PKIA: variants seen among roughly 807,000 people sequenced by gnomAD.
The protein encoded by PKIA is PKI-alpha.
PKIA carries 4 observed loss-of-function variants against 7.6 expected under a neutral mutation model. The ratio of observed to expected loss-of-function variants is 0.52; its 90% CI spans 0.26 to 1.20. PKIA has a LOEUF of 1.20. Ranked by LOEUF, PKIA falls within the 50% of genes most tolerant of loss-of-function variation. The pLI is 0.13. For missense variants in PKIA, 73 were observed against 86.2 expected (o/e 0.85, Z 0.61); for synonymous variants, 21 against 30.7 (o/e 0.68, Z 1.04).
chr8:78,544,085 T>C (rs765568916), intron 1 of PKIA, among the ~76,000 whole-genome samples: 14 of 152,184 alleles, frequency 9.2e-5, no homozygotes, highest in Non-Finnish European at 1.8e-4. Context: ...AATATACTTA[T>C]ATAGCTAATA....
chr8:78,583,550 T>A (rs1310969963), intron 2 of PKIA, among the ~76,000 whole-genome samples: 5 of 152,174 alleles, frequency 3.3e-5, no homozygotes, highest in Non-Finnish European at 7.4e-5. Context: ...CGAAATGCTG[T>A]TTCTGTGTTA....
chr8:78,532,840 G>A (rs1487142298), intron 1 of PKIA, among the ~76,000 whole-genome samples: 2 of 151,770 alleles, frequency 1.3e-5, no homozygotes, highest in South Asian at 2.1e-4. Flanking sequence ...ACTTGAACCC[G>A]ACAGGTAGAG....
At chr8:78,589,513 A>G (rs1808041853) in intron 2 of PKIA, among the ~76,000 whole-genome samples, 1 of 152,150 alleles carries the variant, frequency 6.6e-6, no homozygotes, top group Non-Finnish European at 1.5e-5. Context: ...ATCTAAAGAA[A>G]GTTCGAGAGG....
intron 2 of PKIA, among the ~76,000 whole-genome samples, chr8:78,590,722 G>A (rs575776984): frequency 1.2e-4 from 18 of 151,706 alleles, no homozygotes; most frequent in African/African-American, 3.1e-4. Context: ...TTTATTCATA[G>A]TATTTGAGGT....
chr8:78,524,000 TTATA>T (rs371965418), intron 1 of PKIA, among the ~76,000 whole-genome samples: 2 of 92,166 alleles, frequency 2.2e-5, no homozygotes, highest in Non-Finnish European at 2.1e-5. Flanking sequence ...ATATAAACAT[TTATA>T]TATAAATATA....
chr8:78,527,280 T>C lies in PKIA; in HGVS notation c.-157+10812T>C, dbSNP rs867905129. 3.3e-5 allele frequency among the ~76,000 whole-genome samples: 5 copies of C among 152,180 alleles called. 1 individual carries two copies. The highest frequency in any genetic ancestry group is 3.4e-3 in the Middle Eastern group (1 of 294). ...GGGCATAGTCTGAATTAAGATGAGA[T>C]GTTGGAAACAATGAAAATACCTGCT... On this transcript the variant is annotated intron_variant, in intron 1 of 3. Transcript: ENST00000396418.
At chr8:78,554,063 A>G (rs1563577213) in intron 1 of PKIA, among the ~76,000 whole-genome samples, 1 of 152,098 alleles carries the variant, frequency 6.6e-6, no homozygotes, top group East Asian at 1.9e-4. Context: ...ACACCCAGCA[A>G]TATGTAGAGT....
chr8:78,534,298 G>A (rs1181018379), intron 1 of PKIA: 2 of 152,028 alleles, frequency 1.3e-5, no homozygotes, highest in Non-Finnish European at 2.9e-5. Context: ...TCTATCAGAA[G>A]GTAGGTCAGA....
At chr8:78,557,032 T>C (rs1277459313) in intron 1 of PKIA, among the ~76,000 whole-genome samples, 1 of 152,162 alleles carries the variant, frequency 6.6e-6, no homozygotes, top group African/African-American at 2.4e-5. Context: ...TAATTTTGTA[T>C]GTGCATATGT....
chr8:78,589,027 G>A (rs372014282), intron 2 of PKIA, among the ~76,000 whole-genome samples: 1 of 152,132 alleles, frequency 6.6e-6, no homozygotes, highest in Admixed American at 6.6e-5. Flanking sequence ...AAGTAAAATT[G>A]TAACTCCAGA....
intron 1 of PKIA, among the ~76,000 whole-genome samples, chr8:78,517,623 C>T (rs1182854571): frequency 6.6e-6 from 1 of 152,146 alleles, no homozygotes; most frequent in East Asian, 1.9e-4. Context: ...CCAATCTAAG[C>T]CTCTGGTTGA....
chr8:78,585,413 TATAAC>T (rs1807925952), intron 2 of PKIA, among the ~76,000 whole-genome samples: 1 of 152,112 alleles, frequency 6.6e-6, no homozygotes, highest in Non-Finnish European at 1.5e-5. Flanking sequence ...TGAAATAACT[TATAAC>T]AGTGTCAGAG....
At chr8:78,554,870 G>C (rs1300854247) in intron 1 of PKIA, among the ~76,000 whole-genome samples, 1 of 152,028 alleles carries the variant, frequency 6.6e-6, no homozygotes, top group African/African-American at 2.4e-5. Flanking sequence ...ACAGTATTTT[G>C]TGGTTTAAAG....
chr8:78,527,385 T>C (rs1436841118), intron 1 of PKIA, among the ~76,000 whole-genome samples: 1 of 152,004 alleles, frequency 6.6e-6, no homozygotes, highest in East Asian at 1.9e-4. Flanking sequence ...TATGTATATG[T>C]GTATCTATGT....
At chr8:78,533,119 T>C (rs1806436163) in intron 1 of PKIA, among the ~76,000 whole-genome samples, 1 of 152,080 alleles carries the variant, frequency 6.6e-6, no homozygotes, top group African/African-American at 2.4e-5. Context: ...CTGTTGGTCC[T>C]TGCAGATGAG....
intron 2 of PKIA, among the ~76,000 whole-genome samples, chr8:78,594,082 A>G (rs1808169960): frequency 6.6e-6 from 1 of 152,232 alleles, no homozygotes; most frequent in Non-Finnish European, 1.5e-5. Flanking sequence ...TAATCTATTG[A>G]GAAGGAGAAG....
intron 1 of PKIA, among the ~76,000 whole-genome samples, chr8:78,521,579 T>C (rs1809417817): frequency 6.6e-6 from 1 of 151,920 alleles, no homozygotes; most frequent in Non-Finnish European, 1.5e-5. Context: ...CTTCTTTACA[T>C]TTCCCAAATA....
chr8:78,516,642 G>A (rs1046727278), intron 1 of PKIA, among the ~76,000 whole-genome samples, 174 bp downstream of exon 1: 4 of 152,240 alleles, frequency 2.6e-5, no homozygotes, highest in African/African-American at 9.6e-5. Flanking sequence ...AGAGGTTGGA[G>A]GAGCAGTGTT....
In PKIA at chr8:78,533,207, T is replaced by C. The variant is rs79925378; in HGVS notation, c.-157+16739T>C. 8.0e-3 allele frequency among the ~76,000 whole-genome samples: 1,222 copies of C among 152,252 alleles called. 12 individuals are homozygous for C. Among genetic ancestry groups the C allele is most frequent in the African/African-American group, 0.027 (1,135 of 41,560 alleles). On this transcript the variant is annotated intron_variant, in intron 1 of 3. Coordinates refer to ENST00000396418, the MANE Select transcript of PKIA (RefSeq NM_006823.4). ...TCCTTTACACATGTCTCAGTAAATA[T>C]TAACATGCTCTAAATATGCCCTTGC...
Sources: allele counts gnomAD v4.1 joint callset (sites outside exome capture counted in the v4.1 genomes callset), GRCh38; gene constraint gnomAD v4.1.1; transcripts MANE v1.5; gene names NCBI Gene and HGNC (gene_info 2026-07-23, HGNC 2026-07-21).